The following HMCN1 variants were observed in gnomAD, a reference collection of about 807,000 sequenced individuals.
HMCN1 encodes hemicentin-1.
HMCN1 carries 321 observed loss-of-function variants against 625.9 expected under a neutral mutation model. The ratio of observed to expected loss-of-function variants is 0.51; its 90% CI spans 0.47 to 0.56. The LOEUF is 0.56. HMCN1 is among the 20% of genes least tolerant of loss of function. The probability of loss-of-function intolerance (pLI) is 0.00; values close to 1 mark genes in which losing one functional copy is unlikely to be tolerated. For synonymous variants in HMCN1, 2,425 were observed against 2,417.6 expected, an observed-to-expected ratio of 1.00 and a Z score of -0.09; for missense variants, 6,588 against 6,887.3, an observed-to-expected ratio of 0.96 and a Z score of 1.54.
intron 1 of HMCN1, among the ~76,000 whole-genome samples, chr1:185,837,005 G>GGTGTGT (rs60299246): frequency 1.7e-4 from 25 of 142,968 alleles, no homozygotes; most frequent in African/African-American, 4.9e-4. Flanking sequence ...TATATTCCAT[G>GGTGTGT]GTGTGTGTGT....
intron 97 of HMCN1, among the ~76,000 whole-genome samples, chr1:186,158,647 T>G (rs1219538555): frequency 6.6e-6 from 1 of 152,182 alleles, no homozygotes; most frequent in Non-Finnish European, 1.5e-5. Flanking sequence ...TTCAGCTTTC[T>G]ACATATGGCT....
intron 4 of HMCN1, among the ~76,000 whole-genome samples, chr1:185,892,287 A>G (rs1467830357): frequency 1.3e-5 from 2 of 151,546 alleles, no homozygotes; most frequent in African/African-American, 2.4e-5. Context: ...TAATTTGATC[A>G]TCTGAAGCCT....
At chr1:185,871,171 G>C (rs1023693154) in intron 4 of HMCN1, among the ~76,000 whole-genome samples, 5 of 150,796 alleles carry the variant, frequency 3.3e-5, no homozygotes, top group African/African-American at 1.2e-4. Context: ...AGAAGTTGCA[G>C]TGAGCCAAGA....
intron 71 of HMCN1, 142 bp from the exon 72 acceptor site, chr1:186,112,670 C>T (rs1337141764): frequency 1.6e-5 from 16 of 1,023,828 alleles, no homozygotes; most frequent in African/African-American, 4.9e-5. Flanking sequence ...TTTGATACTA[C>T]GAAAATGGTG....
At position 186,060,971 on chromosome 1, in the gene HMCN1, A is replaced by G. The variant is rs369536881; in HGVS notation, c.7313-880A>G. 2.0e-5 allele frequency among the ~76,000 whole-genome samples: 3 copies of G among 152,222 alleles called. No individual in the cohort carries two copies. The South Asian group carries it at 6.2e-4, about 32-fold the overall frequency. The stretch of plus-strand genomic sequence containing the variant: ...CTCCATAGTCTTTAGTGAGTGCAAT[A>G]AAATCTAAATTCCTTAGCATAGCAT... On this transcript the variant is annotated intron_variant, in intron 46 of 106. Coordinates refer to ENST00000271588, the MANE Select transcript of HMCN1 (RefSeq NM_031935.3).
At chr1:186,006,840 T>C (rs1653666609) in intron 29 of HMCN1, among the ~76,000 whole-genome samples, 1 of 151,774 alleles carries the variant, frequency 6.6e-6, no homozygotes, top group African/African-American at 2.4e-5. Context: ...TAAGAATGGA[T>C]GAATGAATAA....
In HMCN1 at chr1:186,144,232, G is replaced by A; in HGVS notation, c.13984G>A (p.Gly4662Ser). 1 of 1,612,798 alleles carries A rather than the reference G, an allele frequency of 6.2e-7. No homozygotes were observed. The highest frequency in any genetic ancestry group is 1.7e-4 in the Middle Eastern group (1 of 6,042). Reference protein sequence around the residue: ...WGTCSESCGKGTQTRARLCNN... With the variant: ...WGTCSESCGKSTQTRARLCNN... ...AACATGCAGCGAAAGTTGTGGGAAA[G>A]GTACTCAGACAAGAGCAAGACTTTG... Residue 4662 changes from glycine to serine, a missense_variant, in exon 90 of 107, where the codon GGT becomes AGT. Gly to Ser is a moderately conservative substitution (Grantham distance 56). Transcript: ENST00000271588.
At chr1:185,835,604 C>A (rs1661117760) in intron 1 of HMCN1, among the ~76,000 whole-genome samples, 1 of 151,728 alleles carries the variant, frequency 6.6e-6, no homozygotes, top group South Asian at 2.1e-4. Context: ...ATCTAGGATG[C>A]TTTTAGTTAC....
chr1:186,095,390 A>G lies in HMCN1; in HGVS notation c.10442A>G (p.His3481Arg), dbSNP rs759781224. 22 of 1,613,760 alleles carry G rather than the reference A, an allele frequency of 1.4e-5. No homozygotes were observed. Among genetic ancestry groups the G allele is most frequent in the Middle Eastern group, 1.7e-4 (1 of 6,060 alleles). The change falls in exon 68 of 107, where the codon CAT becomes CGT. Residue 3481 changes from histidine to arginine, a missense_variant. Around this residue, in one of 3 missense-constraint regions of HMCN1, gnomAD observed 4,628 missense variants for 4,853.1 expected, o/e 0.95. Transcript: ENST00000271588. ...RDGQPLGLDA[H>R]LTVSTHGMVL... ...GGCCAGCCTCTGGGGCTTGATGCCC[A>G]TCTGACAGTCAGCACCCATGGAATG...
chr1:186,112,452 C>T (rs867909195), intron 71 of HMCN1, among the ~76,000 whole-genome samples: 32 of 152,332 alleles, frequency 2.1e-4, no homozygotes, highest in African/African-American at 7.0e-4. Context: ...AAGACTGCCA[C>T]TAGGCTTAGG....
intron 1 of HMCN1, among the ~76,000 whole-genome samples, chr1:185,824,559 G>A (rs937311455): frequency 5.3e-5 from 8 of 152,030 alleles, no homozygotes; most frequent in African/African-American, 1.4e-4. Flanking sequence ...TTAGATTATC[G>A]GGGAGAATGG....
intron 85 of HMCN1, among the ~76,000 whole-genome samples, chr1:186,132,047 G>T (rs1406416966): frequency 1.3e-5 from 2 of 151,936 alleles, no homozygotes; most frequent in East Asian, 1.9e-4. Flanking sequence ...TGTAATTTTT[G>T]CTTTGGTTTC....
chr1:186,065,224 A>G lies in HMCN1; in HGVS notation c.7514-14A>G, dbSNP rs1658028801. ...TGTAATTATTAGCTGACTCTCAGAA[A>G]TGGATTTTTACAGGGAATCCAGTGC... On this transcript the variant is annotated splice_polypyrimidine_tract_variant and intron_variant, in intron 48 of 106. Transcript: ENST00000271588. 5 of 1,608,194 alleles carry G rather than the reference A, an allele frequency of 3.1e-6. No homozygotes were observed. The highest frequency in any genetic ancestry group is 4.2e-6 in the Non-Finnish European group (5 of 1,177,110).
chr1:186,189,710 T>A lies in HMCN1; in HGVS notation c.16740T>A (p.Phe5580Leu), dbSNP rs1228017772. The A allele has an allele frequency of 6.2e-7, 1 of 1,613,530 alleles. No individual in the cohort carries two copies. The highest frequency in any genetic ancestry group is 1.1e-5 in the South Asian group (1 of 91,048). ...TAGATGAGGAACAGACTGTTCCTTT[T>A]GCCTTGAGGGATGAAAACCTGAAAG... Reference protein sequence around the residue: ...LMVDEEQTVPFALRDENLKGV... With the variant: ...LMVDEEQTVPLALRDENLKGV... The change falls in exon 107 of 107, where the codon TTT becomes TTA. Residue 5580 changes from phenylalanine (F) to leucine (L), a missense_variant. By Grantham distance (22) the Phe-to-Leu change is conservative. Around this residue, in one of 3 missense-constraint regions of HMCN1, gnomAD observed 1,954 missense variants for 2,013.1 expected, o/e 0.97. Coordinates refer to ENST00000271588, the MANE Select transcript of HMCN1 (RefSeq NM_031935.3).
intron 22 of HMCN1, 127 bp from the exon 23 acceptor site, chr1:185,993,055 C>T: frequency 2.4e-6 from 2 of 824,496 alleles, no homozygotes; most frequent in East Asian, 2.5e-5. Context: ...TATAGATGTA[C>T]ATTGCAGATG....
chr1:185,760,826 A>G (rs1655450093), intron 1 of HMCN1, among the ~76,000 whole-genome samples: 1 of 152,136 alleles, frequency 6.6e-6, no homozygotes, highest in Non-Finnish European at 1.5e-5. Flanking sequence ...TAATCCTCAT[A>G]AAAACTTTAC....
At chr1:185,951,884 C>G (rs2102534335) in intron 11 of HMCN1, among the ~76,000 whole-genome samples, 1 of 151,916 alleles carries the variant, frequency 6.6e-6, no homozygotes, top group South Asian at 2.1e-4. Context: ...GGAATTGCAA[C>G]TTTTTTCTGT....
chr1:186,061,845 C>T lies in HMCN1; in HGVS notation c.7313-6C>T, dbSNP rs775079083. The stretch of plus-strand genomic sequence containing the variant: ...GTTATCTTAAAAAGATGGTTTGCTT[C>T]TGCAGGAGGCAGGATGCTACGGCTG... On this transcript the variant is annotated splice_region_variant and splice_polypyrimidine_tract_variant and intron_variant, in intron 46 of 106. Coordinates refer to ENST00000271588, the MANE Select transcript of HMCN1 (RefSeq NM_031935.3). The T allele has an allele frequency of 1.3e-6, 2 of 1,592,896 alleles. No individual in the cohort carries two copies. The highest frequency in any genetic ancestry group is 1.7e-6 in the Non-Finnish European group (2 of 1,161,510).
rs373271893 is a variant in HMCN1 at position 185,870,578 on chromosome 1, G to T, written c.621+4715G>T. Among the ~76,000 whole-genome samples the T allele has an allele frequency of 3.3e-5, 5 of 151,998 alleles. No homozygotes were observed. In the East Asian group the frequency reaches 5.8e-4, roughly 18 times the overall value. ...GTTTTTATTTTTTAAATTTTTGTGG[G>T]TGCATAGTAGGTGTATGTATTTATG... is the stretch of plus-strand genomic sequence containing the variant. On this transcript the variant is annotated intron_variant, in intron 4 of 106. Transcript: ENST00000271588.
Sources: allele counts gnomAD v4.1 joint callset (sites outside exome capture counted in the v4.1 genomes callset), GRCh38; gene constraint gnomAD v4.1.1; regional missense constraint gnomAD v4.1.1; transcripts MANE v1.5; gene names NCBI Gene and HGNC (gene_info 2026-07-23, HGNC 2026-07-21).